Variants in NXPH1 observed in about 807,000 individuals in gnomAD.
NXPH1 encodes the protein neurexophilin-1.
In NXPH1, 5 loss-of-function variants were observed where a neutral mutation model predicts 23.7. That is an observed-to-expected ratio of 0.21 (90% CI 0.11 to 0.44). The LOEUF (loss-of-function observed/expected upper bound fraction) is 0.44, where lower values mean the gene tolerates loss of function less well. Among genes scored for constraint, NXPH1 ranks in the 20% least tolerant of loss-of-function variants. The pLI, the probability that NXPH1 is intolerant of heterozygous loss-of-function variation, is 0.99. For missense variants in NXPH1, 324 were observed against 321.6 expected, an observed-to-expected ratio of 1.01 and a Z score of -0.06; for synonymous variants, 144 against 122.2, an observed-to-expected ratio of 1.18 and a Z score of -1.18.
chr7:8,454,326 T>C (rs978751967), intron 2 of NXPH1, among the ~76,000 whole-genome samples: 1 of 152,124 alleles, frequency 6.6e-6, no homozygotes, highest in African/African-American at 2.4e-5. Flanking sequence ...GTGAACTCTG[T>C]GATATGGTTG....
chr7:8,672,244 G>A (rs1056548009), intron 2 of NXPH1, among the ~76,000 whole-genome samples: 6 of 152,120 alleles, frequency 3.9e-5, no homozygotes, highest in South Asian at 4.1e-4. Context: ...ACCAAACACC[G>A]CATATTCTCA....
At chr7:8,522,557 G>A (rs566224091) in intron 2 of NXPH1, among the ~76,000 whole-genome samples, 43 of 152,096 alleles carry the variant, frequency 2.8e-4, no homozygotes, top group African/African-American at 8.0e-4. Flanking sequence ...CTCTAGCACC[G>A]TTTTTTTAAA....
At chr7:8,462,848 A>G (rs1816718193) in intron 2 of NXPH1, among the ~76,000 whole-genome samples, 1 of 152,210 alleles carries the variant, frequency 6.6e-6, no homozygotes, top group African/African-American at 2.4e-5. Context: ...GCATTTACTT[A>G]GTTATTTCCT....
chr7:8,468,648 C>T (rs1398872432), intron 2 of NXPH1, among the ~76,000 whole-genome samples: 1 of 152,036 alleles, frequency 6.6e-6, no homozygotes, highest in African/African-American at 2.4e-5. Context: ...CCCTGGAAGT[C>T]TCCAAGATAA....
At chr7:8,640,371 A>C (rs1820287344) in intron 2 of NXPH1, among the ~76,000 whole-genome samples, 1 of 151,768 alleles carries the variant, frequency 6.6e-6, no homozygotes, top group African/African-American at 2.4e-5. Flanking sequence ...CAGGGTCCTC[A>C]TGTAATTTTT....
chr7:8,739,010 C>T (rs183561310), intron 2 of NXPH1, among the ~76,000 whole-genome samples: 1 of 152,078 alleles, frequency 6.6e-6, no homozygotes, highest in African/African-American at 2.4e-5. Flanking sequence ...CGACTTCAGA[C>T]TGCTGTGCTG....
intron 2 of NXPH1, among the ~76,000 whole-genome samples, chr7:8,612,603 G>C (rs1465649175): frequency 1.3e-5 from 2 of 151,928 alleles, no homozygotes; most frequent in Non-Finnish European, 2.9e-5. Flanking sequence ...ATTGCCTTTT[G>C]CTTCTACTCC....
intron 2 of NXPH1, among the ~76,000 whole-genome samples, chr7:8,681,720 T>G (rs999013976): frequency 6.6e-6 from 1 of 152,230 alleles, no homozygotes; most frequent in South Asian, 2.1e-4. Context: ...ATTACAAAGT[T>G]TATGTTTATT....
chr7:8,594,293 G>A (rs1819166650), intron 2 of NXPH1, among the ~76,000 whole-genome samples: 1 of 152,048 alleles, frequency 6.6e-6, no homozygotes, highest in South Asian at 2.1e-4. Context: ...TTTACCTTGG[G>A]TAGAAACATG....
At chr7:8,677,848 A>G (rs1820977712) in intron 2 of NXPH1, among the ~76,000 whole-genome samples, 1 of 152,114 alleles carries the variant, frequency 6.6e-6, no homozygotes, top group South Asian at 2.1e-4. Flanking sequence ...GACTTAATAA[A>G]ATATACTCTC....
At chr7:8,676,169 GTAT>G (rs1820948947) in intron 2 of NXPH1, among the ~76,000 whole-genome samples, 1 of 152,150 alleles carries the variant, frequency 6.6e-6, no homozygotes, top group African/African-American at 2.4e-5. Context: ...TTGAAAACAA[GTAT>G]TATAAATTGA....
chr7:8,556,657 T>A (rs1001123116), intron 2 of NXPH1, among the ~76,000 whole-genome samples: 2 of 151,666 alleles, frequency 1.3e-5, no homozygotes, highest in Non-Finnish European at 3.0e-5. Flanking sequence ...GGGAGTAACA[T>A]GATAGTATTG....
intron 2 of NXPH1, among the ~76,000 whole-genome samples, chr7:8,461,413 T>G (rs1240185646): frequency 6.6e-6 from 1 of 152,212 alleles, no homozygotes; most frequent in African/African-American, 2.4e-5. Context: ...TAAGGAGACT[T>G]GAAGACAGAG....
intron 2 of NXPH1, among the ~76,000 whole-genome samples, chr7:8,471,370 A>T (rs138488584): frequency 6.6e-6 from 1 of 152,212 alleles, no homozygotes; most frequent in African/African-American, 2.4e-5. Flanking sequence ...TATCATTAAC[A>T]TAGAAGATAT....
chr7:8,593,859 G>A (rs1819157899), intron 2 of NXPH1, among the ~76,000 whole-genome samples: 2 of 152,006 alleles, frequency 1.3e-5, no homozygotes, highest in Admixed American at 6.6e-5. Flanking sequence ...GATCCAAAAT[G>A]TACCTTGGTT....
intron 2 of NXPH1, among the ~76,000 whole-genome samples, chr7:8,535,178 A>G (rs550762447): frequency 1.2e-3 from 183 of 152,188 alleles, no homozygotes; most frequent in African/African-American, 4.3e-3. Flanking sequence ...AAAAATCTGA[A>G]TCAAATTATG....
At chr7:8,506,836 C>G (rs771855209) in intron 2 of NXPH1, among the ~76,000 whole-genome samples, 4 of 152,024 alleles carry the variant, frequency 2.6e-5, no homozygotes, top group Non-Finnish European at 5.9e-5. Flanking sequence ...AGGGTAGCTG[C>G]AACATGAGGC....
At chr7:8,450,530 T>A (rs1816489403) in intron 2 of NXPH1, among the ~76,000 whole-genome samples, 1 of 152,254 alleles carries the variant, frequency 6.6e-6, no homozygotes. Context: ...GATCTAGGAA[T>A]TTATCTATTT....
At chr7:8,490,741 T>G (rs1817236000) in intron 2 of NXPH1, among the ~76,000 whole-genome samples, 1 of 151,996 alleles carries the variant, frequency 6.6e-6, no homozygotes, top group South Asian at 2.1e-4. Flanking sequence ...CAATAAATAT[T>G]TAAGGGGGAA....
Sources: allele counts gnomAD v4.1 joint callset (sites outside exome capture counted in the v4.1 genomes callset), GRCh38; gene constraint gnomAD v4.1.1; transcripts MANE v1.5; gene names NCBI Gene and HGNC (gene_info 2026-07-23, HGNC 2026-07-21).